Variants in DIP2C observed in about 807,000 individuals in gnomAD.
The protein encoded by DIP2C is disco-interacting protein 2 homolog C.
In DIP2C, 33 loss-of-function variants were observed where a neutral mutation model predicts 192.4. The observed-to-expected ratio is 0.17, with a 90% CI of 0.13 to 0.23. The LOEUF (loss-of-function observed/expected upper bound fraction) is 0.23. Ranked by LOEUF, DIP2C falls within the 10% of genes least tolerant of loss-of-function variation. DIP2C has a pLI of 1.00. For missense variants in DIP2C, 1,537 were observed against 2,110.1 expected, an observed-to-expected ratio of 0.73 and a Z score of 5.32; for synonymous variants, 979 against 864.1, an observed-to-expected ratio of 1.13 and a Z score of -2.33.
chr10:303,635 T>C (rs1164773590), intron 32 of DIP2C, among the ~76,000 whole-genome samples: 1 of 152,128 alleles, frequency 6.6e-6, no homozygotes, highest in Non-Finnish European at 1.5e-5. Flanking sequence ...GCGATTCTCC[T>C]GCCTCAGCCT....
In DIP2C at chr10:285,203, C is replaced by T. The variant is rs528918827; in HGVS notation, c.4119+1070G>A. Among the ~76,000 whole-genome samples, 16 of 149,066 alleles carry T rather than the reference C, an allele frequency of 1.1e-4. No homozygotes were observed. In the South Asian group the frequency reaches 3.0e-3, roughly 28 times the overall value. ...GCCCAAGAAGCAAAGCAAGCTGGGA[C>T]GTGAGAACTGGGGAGGGCTTGCTCA... On this transcript the variant is annotated intron_variant, in intron 34 of 36. Coordinates refer to ENST00000280886, the MANE Select transcript of DIP2C (RefSeq NM_014974.3).
chr10:508,792 G>A (rs1845809117), intron 1 of DIP2C, among the ~76,000 whole-genome samples: 1 of 152,206 alleles, frequency 6.6e-6, no homozygotes, highest in African/African-American at 2.4e-5. Context: ...GAGATGGCGA[G>A]ACGAGACTGG....
chr10:685,407 C>T (rs1831296388), intron 1 of DIP2C, among the ~76,000 whole-genome samples: 3 of 151,922 alleles, frequency 2.0e-5, no homozygotes, highest in African/African-American at 7.3e-5. Flanking sequence ...GGGCATGGAA[C>T]ACGCTGACAA....
Position 356,520 on chromosome 10 carries a change from C to T in DIP2C, c.2905-14G>A, listed in dbSNP as rs1317777170. The T allele has an allele frequency of 8.1e-6, 13 of 1,607,020 alleles. No homozygotes were observed. The highest frequency in any genetic ancestry group is 4.5e-5 in the East Asian group (2 of 44,794). Reference sequence around the variant, plus strand: ...GAGGAACAGGAACTGGAACAGAGCACGGGCATGAGGATCAGGCTGTGCGGT... The same window carrying T: ...GAGGAACAGGAACTGGAACAGAGCATGGGCATGAGGATCAGGCTGTGCGGT... On this transcript the variant is annotated splice_polypyrimidine_tract_variant and intron_variant, in intron 23 of 36. Coordinates refer to ENST00000280886, the MANE Select transcript of DIP2C (RefSeq NM_014974.3).
intron 1 of DIP2C, among the ~76,000 whole-genome samples, chr10:605,750 T>A (rs755771148): frequency 6.6e-6 from 1 of 152,148 alleles, no homozygotes; most frequent in Non-Finnish European, 1.5e-5. Context: ...ATAACATAAT[T>A]ATGCAATAAA....
chr10:618,646 A>G lies in DIP2C; in HGVS notation c.85+70848T>C, dbSNP rs2131822316. ...CTCATGACAGACTTTGTTTGCTTTT[A>G]TGCAACAAAGTTAAAAGACTATCAC... On this transcript the variant is annotated intron_variant, in intron 1 of 36. Transcript: ENST00000280886. Among the ~76,000 whole-genome samples the G allele has an allele frequency of 2.0e-5, 3 of 152,374 alleles. No individual in the cohort carries two copies. The South Asian group carries it at 6.2e-4, about 32-fold the overall frequency.
intron 1 of DIP2C, among the ~76,000 whole-genome samples, chr10:532,660 TATGGGTGTGAGAGAGAGTATGGGTGTGA>T (rs1847460558): frequency 1.1e-5 from 1 of 94,918 alleles, no homozygotes; most frequent in Non-Finnish European, 2.0e-5. Context: ...TGAGAGAGAG[TATGGGTGTGAGAGAGAGTATGGGTGTGA>T]GAGAGTATGG....
At chr10:644,348 G>A (rs970776882) in intron 1 of DIP2C, among the ~76,000 whole-genome samples, 3 of 152,292 alleles carry the variant, frequency 2.0e-5, no homozygotes, top group African/African-American at 7.2e-5. Context: ...TTAGTGAATT[G>A]TCTCCTGGTC....
At chr10:545,166 C>CTT (rs60185327) in intron 1 of DIP2C, among the ~76,000 whole-genome samples, 22,353 of 86,550 alleles carry the variant, frequency 0.26, 2,561 homozygotes, top group Non-Finnish European at 0.34. Flanking sequence ...GGTGTTTTCC[C>CTT]TTTTTTTTTT....
At chr10:583,099 T>A (rs937671912) in intron 1 of DIP2C, among the ~76,000 whole-genome samples, 1 of 152,244 alleles carries the variant, frequency 6.6e-6, no homozygotes, top group Non-Finnish European at 1.5e-5. Context: ...CAGTGACTAC[T>A]TTTATCCCCC....
chr10:294,949 TCAAA>T (rs1337358322), intron 32 of DIP2C, among the ~76,000 whole-genome samples: 1 of 151,774 alleles, frequency 6.6e-6, no homozygotes, highest in African/African-American at 2.4e-5. Flanking sequence ...TATAAGGAAC[TCAAA>T]CAACTCAACA....
In DIP2C at chr10:418,975, A is replaced by AG. The variant is rs1445841423; in HGVS notation, c.739+89dup. Reference sequence around the variant, plus strand: ...GCTTTGTCAGAACCGATTGTACCCCAGGAAGAAACACATCCAGTCATGGGC... The same window carrying AG: ...GCTTTGTCAGAACCGATTGTACCCCAGGGAAGAAACACATCCAGTCATGGGC... On this transcript the variant is annotated intron_variant, in intron 6 of 36. Coordinates refer to ENST00000280886, the MANE Select transcript of DIP2C (RefSeq NM_014974.3). 1.8e-5 allele frequency: 28 copies of AG among 1,567,792 alleles called. No homozygotes were observed. In the African/African-American group the frequency reaches 2.8e-4, roughly 16 times the overall value.
At chr10:595,959 A>C (rs1180457653) in intron 1 of DIP2C, among the ~76,000 whole-genome samples, 1 of 152,168 alleles carries the variant, frequency 6.6e-6, no homozygotes, top group African/African-American at 2.4e-5. Flanking sequence ...AAGCCGACAA[A>C]GAGTGGACAC....
intron 29 of DIP2C, among the ~76,000 whole-genome samples, chr10:335,345 T>C (rs1176650257): frequency 6.6e-6 from 1 of 152,188 alleles, no homozygotes; most frequent in Admixed American, 6.5e-5. Context: ...AGGGGGGATT[T>C]CCAACAAACA....
At chr10:558,742 A>C (rs2130985832) in intron 1 of DIP2C, among the ~76,000 whole-genome samples, 1 of 152,282 alleles carries the variant, frequency 6.6e-6, no homozygotes, top group Middle Eastern at 3.4e-3. Flanking sequence ...ATCACCAATA[A>C]TTCCCATCTC....
At chr10:657,239 CGCTGG>C (rs1856409734) in intron 1 of DIP2C, among the ~76,000 whole-genome samples, 3 of 84,714 alleles carry the variant, frequency 3.5e-5, no homozygotes, top group African/African-American at 1.3e-4. Flanking sequence ...CTGGACCTGC[CGCTGG>C]ACCTGATGCT....
chr10:314,721 G>T (rs964507129), intron 31 of DIP2C, among the ~76,000 whole-genome samples: 1 of 152,218 alleles, frequency 6.6e-6, no homozygotes, highest in Non-Finnish European at 1.5e-5. Context: ...CTGGAGTCTA[G>T]CAAGTCCCAG....
At chr10:369,044 C>G (rs371331275) in intron 18 of DIP2C, among the ~76,000 whole-genome samples, 14 of 152,246 alleles carry the variant, frequency 9.2e-5, no homozygotes, top group Non-Finnish European at 4.4e-5. Flanking sequence ...GGAAAAAGGT[C>G]TCTACTGCTG....
At chr10:370,453 G>A (rs1960823682) in intron 17 of DIP2C, among the ~76,000 whole-genome samples, 1 of 152,090 alleles carries the variant, frequency 6.6e-6, no homozygotes, top group African/African-American at 2.4e-5. Flanking sequence ...TGTCCCCTCA[G>A]AAAACACCCC....
Sources: allele counts gnomAD v4.1 joint callset (sites outside exome capture counted in the v4.1 genomes callset), GRCh38; gene constraint gnomAD v4.1.1; transcripts MANE v1.5; gene names NCBI Gene and HGNC (gene_info 2026-07-23, HGNC 2026-07-21).